CYP4F2: variants seen among roughly 807,000 people sequenced by gnomAD.
CYP4F2 encodes cytochrome P450 family 4 subfamily F member 2.
Under a neutral mutation model 58.9 loss-of-function variants are expected in CYP4F2, and 58 were observed. That is an observed-to-expected ratio of 0.98 (90% CI 0.80 to 1.23). CYP4F2 has a LOEUF of 1.23. Ranked by LOEUF, CYP4F2 falls within the 50% of genes most tolerant of loss-of-function variation. The pLI, the probability that CYP4F2 is intolerant of heterozygous loss-of-function variation, is 0.00. For synonymous variants in CYP4F2, 287 were observed against 261.1 expected, an observed-to-expected ratio of 1.10 and a Z score of -0.95; for missense variants, 616 against 685.6, an observed-to-expected ratio of 0.90 and a Z score of 1.13.
At chr19:15,883,347 T>C (rs1352792977) in intron 9 of CYP4F2, among the ~76,000 whole-genome samples, 3 of 150,594 alleles carry the variant, frequency 2.0e-5, no homozygotes, top group South Asian at 2.1e-4. Flanking sequence ...AAATAAGACA[T>C]ACAAATGGCC....
chr19:15,890,636 C>G (rs1470558990), intron 5 of CYP4F2, among the ~76,000 whole-genome samples: 1 of 152,210 alleles, frequency 6.6e-6, no homozygotes, highest in Non-Finnish European at 1.5e-5. Flanking sequence ...GTTAGGAGAA[C>G]TAGGTTCAAG....
chr19:15,893,190 T>C (rs2089427157), intron 3 of CYP4F2, among the ~76,000 whole-genome samples: 1 of 152,166 alleles, frequency 6.6e-6, no homozygotes, highest in South Asian at 2.1e-4. Context: ...TGAACCAGAC[T>C]GTTCCTCAGG....
chr19:15,896,980 A>G (rs2089451758), intron 2 of CYP4F2, among the ~76,000 whole-genome samples: 1 of 152,180 alleles, frequency 6.6e-6, no homozygotes, highest in Non-Finnish European at 1.5e-5. Context: ...GTGTAGTGGA[A>G]GTGGGAGACG....
chr19:15,879,590 G>A lies in CYP4F2; in HGVS notation c.1314+14C>T, dbSNP rs1445752726. ...GCCTTGGAATGGACAAAAACAGAGA[G>A]AGGGGCCCCGCACCTCAGGGTCCGG... On this transcript the variant is annotated intron_variant, in intron 11 of 12. Transcript: ENST00000221700. The A allele has an allele frequency of 6.2e-7, 1 of 1,613,942 alleles. No homozygotes were observed. Among genetic ancestry groups the A allele is most frequent in the Admixed American group, 1.7e-5 (1 of 59,988 alleles).
intron 2 of CYP4F2, among the ~76,000 whole-genome samples, chr19:15,896,083 T>A (rs549106947): frequency 2.0e-5 from 3 of 151,624 alleles, no homozygotes; most frequent in South Asian, 4.2e-4. Flanking sequence ...CATCCATCCA[T>A]CCATCCATCC....
rs1411516065 is a variant in CYP4F2 at position 15,890,407 on chromosome 19, C to T, written c.552G>A (p.Glu184=). The T allele has an allele frequency of 1.2e-6, 2 of 1,613,970 alleles. No individual in the cohort carries two copies. Among genetic ancestry groups the T allele is most frequent in the East Asian group, 2.2e-5 (1 of 44,852 alleles). The change falls in exon 6 of 13, where the codon GAG becomes GAA. Residue 184 remains glutamate, a synonymous_variant. Transcript: ENST00000221700. ...CAAACATATCCAAACAGGCACTACC[C>T]TCTGAGGCCAGGAGCTGCCACTTGG... The part of the protein sequence containing the change: ...MHAKWQLLAS[E]GSACLDMFEH...
chr19:15,894,802 G>A (rs1416380833), intron 3 of CYP4F2, among the ~76,000 whole-genome samples: 1 of 152,198 alleles, frequency 6.6e-6, no homozygotes, highest in Non-Finnish European at 1.5e-5. Flanking sequence ...GTCAAGGAAA[G>A]GGACCCAAGC....
rs180738115 is a variant in CYP4F2 at position 15,881,967 on chromosome 19, G to A, written c.1116-2070C>T. ...GCTCATAGAAACAGGAGTGGAGGTC[G>A]GGCGCGGTGGCTCACGCCTGTAATC... On this transcript the variant is annotated intron_variant, in intron 9 of 12. Transcript: ENST00000221700. 4.6e-5 allele frequency among the ~76,000 whole-genome samples: 7 copies of A among 152,250 alleles called. No individual in the cohort carries two copies. In the East Asian group the frequency reaches 5.8e-4, roughly 13 times the overall value.
chr19:15,887,193 GAC>G (rs147624686), intron 7 of CYP4F2, among the ~76,000 whole-genome samples: 2 of 151,078 alleles, frequency 1.3e-5, no homozygotes, highest in African/African-American at 4.9e-5. Context: ...TATAGACACA[GAC>G]ACACACACAT....
Position 15,886,291 on chromosome 19 carries a change from CT to C in CYP4F2, c.935del (p.Lys312SerfsTer7), listed in dbSNP as rs780987478. 1.7e-5 allele frequency: 28 copies of C among 1,614,036 alleles called. No homozygotes were observed. In the South Asian group the frequency reaches 3.1e-4, roughly 18 times the overall value. The part of the protein sequence containing the change: ...LLLSKDEDGK[K>X]LSDEDIRAEA... ...CTGCTCTTATGTCCTCATCAGATAACTTCTTCCCGTCTTCATCCTGGAGAGA... is the reference window on the plus strand; with the variant it reads ...CTGCTCTTATGTCCTCATCAGATAACTCTTCCCGTCTTCATCCTGGAGAGA... On this transcript the variant is annotated frameshift_variant, in exon 8 of 13. Transcript: ENST00000221700. LOFTEE classifies it high-confidence loss of function.
intron 9 of CYP4F2, among the ~76,000 whole-genome samples, chr19:15,883,225 C>T (rs1248487759): frequency 2.6e-5 from 4 of 151,922 alleles, no homozygotes; most frequent in Admixed American, 6.6e-5. Flanking sequence ...ATCTGACAAG[C>T]GATTAATAAC....
intron 2 of CYP4F2, among the ~76,000 whole-genome samples, chr19:15,897,198 T>C (rs2089452878): frequency 6.6e-6 from 1 of 151,896 alleles, no homozygotes; most frequent in African/African-American, 2.4e-5. Flanking sequence ...AGGAAAAGGA[T>C]TCAATGCAGG....
chr19:15,890,191 G>A, intron 6 of CYP4F2, 121 bp downstream of exon 6: 2 of 1,515,618 alleles, frequency 1.3e-6, no homozygotes, highest in Non-Finnish European at 1.8e-6. Context: ...GTCCTTCAAT[G>A]ATCAGGTATA....
chr19:15,889,577 C>T lies in CYP4F2; in HGVS notation c.764G>A (p.Arg255His), dbSNP rs377608423. Residue 255 changes from arginine (R) to histidine (H), a missense_variant, in exon 7 of 13, where the codon CGT becomes CAT. Transcript: ENST00000221700. ...CACCAGGCGGCAGGCCCTGCGGAAA[C>T]GCTGCCCATCAGGGGTGAGATAATA... ...FLYYLTPDGQ[R>H]FRRACRLVHD... 20 of 1,614,170 alleles carry T rather than the reference C, an allele frequency of 1.2e-5. No homozygotes were observed. Among genetic ancestry groups the T allele is most frequent in the East Asian group, 4.5e-5 (2 of 44,876 alleles).
intron 5 of CYP4F2, 105 bp from the exon 6 acceptor site, chr19:15,890,538 T>G (rs2089410588): frequency 1.3e-6 from 2 of 1,520,610 alleles, no homozygotes; most frequent in African/African-American, 2.8e-5. Flanking sequence ...CTCTTCATCT[T>G]CTCCCCAGGG....
chr19:15,881,713 C>T (rs950700937), intron 9 of CYP4F2, among the ~76,000 whole-genome samples: 4 of 151,446 alleles, frequency 2.6e-5, no homozygotes, highest in African/African-American at 9.7e-5. Context: ...TCATTTGGTG[C>T]AAGAAGAATC....
In CYP4F2 at chr19:15,892,525, T is replaced by G. The variant is rs1157590520; in HGVS notation, c.397+4A>C. On this transcript the variant is annotated splice_donor_region_variant and intron_variant, in intron 4 of 12. Transcript: ENST00000221700. ...CCCAACCCTGTTCACCTGCAGATAC[T>G]CACCCAGCCAGGGCTCCAGGAAGCT... 6.2e-7 allele frequency: 1 copy of G among 1,613,998 alleles called. No individual in the cohort carries two copies. The highest frequency in any genetic ancestry group is 1.1e-5 in the South Asian group (1 of 91,060).
intron 1 of CYP4F2, 144 bp from the exon 2 acceptor site, chr19:15,897,756 G>T: frequency 1.9e-6 from 2 of 1,030,192 alleles, no homozygotes; most frequent in Non-Finnish European, 2.8e-6. Flanking sequence ...GGGCTGAGAG[G>T]TAAAGTCCAG....
Position 15,897,422 on chromosome 19 carries a change from G to C in CYP4F2, c.190C>G (p.Gln64Glu), listed in dbSNP as rs766753855. ...PPRRNWFWGHQGMVNPTEEGM... is the reference protein window; with the variant it reads ...PPRRNWFWGHEGMVNPTEEGM... ...CCTGCTGCCACACTCACCATGCCCT[G>C]GTGTCCCCAAAACCAGTTCCGTCTT... Residue 64 changes from glutamine to glutamate, a missense_variant, in exon 2 of 13, where the codon CAG (glutamine) becomes GAG (glutamate). Coordinates refer to ENST00000221700, the MANE Select transcript of CYP4F2 (RefSeq NM_001082.5). The C allele has an allele frequency of 2.5e-6, 4 of 1,612,614 alleles. No individual in the cohort carries two copies. Among genetic ancestry groups the C allele is most frequent in the African/African-American group, 2.7e-5 (2 of 74,600 alleles).
Sources: gnomAD v4.1 joint callset for allele counts (sites outside exome capture counted in the v4.1 genomes callset) on GRCh38, gnomAD v4.1.1 for gene constraint, MANE v1.5 for transcripts, NCBI Gene and HGNC (gene_info 2026-07-23, HGNC 2026-07-21) for gene names.